The following DAG1 variants were observed in gnomAD, a reference collection of about 807,000 sequenced individuals.
The protein encoded by DAG1 is dystroglycan 1 (dystrophin-associated glycoprotein 1).
A neutral mutation model predicts 46.1 loss-of-function variants in DAG1; 8 were observed. The ratio of observed to expected loss-of-function variants is 0.17; its 90% CI spans 0.10 to 0.31. The LOEUF (loss-of-function observed/expected upper bound fraction) is 0.31, where lower values mean the gene tolerates loss of function less well. Ranked by LOEUF, DAG1 falls within the 10% of genes least tolerant of loss-of-function variation. DAG1 has a pLI of 1.00. For missense variants in DAG1, 1,003 were observed against 1,189.9 expected (o/e 0.84, Z 2.31); for synonymous variants, 495 against 481.8 (o/e 1.03, Z -0.36).
chr3:49,496,073 G>A (rs1047816709), intron 1 of DAG1, among the ~76,000 whole-genome samples: 2 of 152,126 alleles, frequency 1.3e-5, no homozygotes, highest in Non-Finnish European at 2.9e-5. Context: ...ATGTCATCAC[G>A]GGGATATGCC....
At chr3:49,475,701 CT>C (rs398038718) in intron 1 of DAG1, among the ~76,000 whole-genome samples, 137 of 136,192 alleles carry the variant, frequency 1.0e-3, no homozygotes, top group African/African-American at 8.4e-4. Context: ...TTTTCTTTTT[CT>C]TTTTTTTTTT....
intron 1 of DAG1, 58 bp from the exon 2 acceptor site, chr3:49,510,361 T>C (rs192625591): frequency 1.5e-6 from 1 of 665,344 alleles, no homozygotes; most frequent in Admixed American, 2.4e-5. Flanking sequence ...TGGAGGATAG[T>C]ATGTGACTGA....
intron 1 of DAG1, among the ~76,000 whole-genome samples, chr3:49,488,031 C>G (rs913136224): frequency 6.6e-6 from 1 of 152,064 alleles, no homozygotes; most frequent in Non-Finnish European, 1.5e-5. Flanking sequence ...AGCAATTTTC[C>G]TGAGGTACTC....
chr3:49,515,074 T>TCCGC (rs1280842314), intron 2 of DAG1, among the ~76,000 whole-genome samples: 1 of 152,074 alleles, frequency 6.6e-6, no homozygotes, highest in Non-Finnish European at 1.5e-5. Flanking sequence ...GACCTCGTGA[T>TCCGC]CCGCCCACCT....
intron 2 of DAG1, among the ~76,000 whole-genome samples, chr3:49,525,194 C>T (rs3912831): frequency 2.0e-5 from 3 of 152,024 alleles, no homozygotes; most frequent in African/African-American, 7.2e-5. Context: ...ACCCATGATC[C>T]TGGAGTGACT....
chr3:49,524,225 G>T (rs766200639), intron 2 of DAG1, among the ~76,000 whole-genome samples: 5 of 152,176 alleles, frequency 3.3e-5, no homozygotes, highest in Non-Finnish European at 5.9e-5. Flanking sequence ...ATCCTTTGGG[G>T]ACTGTGGACA....
chr3:49,485,446 T>C (rs2049999221), intron 1 of DAG1, among the ~76,000 whole-genome samples: 1 of 152,190 alleles, frequency 6.6e-6, no homozygotes, highest in Admixed American at 6.6e-5. Flanking sequence ...AGAAATGTCA[T>C]GTAATATACC....
At chr3:49,489,011 G>A in intron 1 of DAG1, among the ~76,000 whole-genome samples, 1 of 152,146 alleles carries the variant, frequency 6.6e-6, no homozygotes, top group East Asian at 1.9e-4. Flanking sequence ...AACTCAGTCT[G>A]CTCACCTGAG....
intron 1 of DAG1, among the ~76,000 whole-genome samples, chr3:49,489,923 G>A (rs1358044256): frequency 6.6e-6 from 1 of 151,934 alleles, no homozygotes; most frequent in Non-Finnish European, 1.5e-5. Flanking sequence ...GTAGGGGGAG[G>A]GTTATATAGC....
At chr3:49,511,713 C>A (rs2050765267) in intron 2 of DAG1, among the ~76,000 whole-genome samples, 1 of 152,120 alleles carries the variant, frequency 6.6e-6, no homozygotes, top group South Asian at 2.1e-4. Flanking sequence ...AGGGTTTTGT[C>A]ATGTTGCTCA....
intron 1 of DAG1, among the ~76,000 whole-genome samples, chr3:49,472,281 T>C (rs1050430936): frequency 6.6e-6 from 1 of 151,794 alleles, no homozygotes; most frequent in Non-Finnish European, 1.5e-5. Context: ...ACTGAAAAGG[T>C]AGTACAGAGG....
intron 1 of DAG1, among the ~76,000 whole-genome samples, chr3:49,484,899 C>T (rs1280467827): frequency 1.3e-5 from 2 of 151,972 alleles, no homozygotes; most frequent in Non-Finnish European, 2.9e-5. Flanking sequence ...CAGGTTCAAG[C>T]AATTCTCCTG....
intron 1 of DAG1, among the ~76,000 whole-genome samples, chr3:49,483,657 G>C (rs778580862): frequency 6.6e-6 from 1 of 150,432 alleles, no homozygotes; most frequent in Non-Finnish European, 1.5e-5. Context: ...CTTATGTGAG[G>C]TATGATTGAA....
intron 2 of DAG1, among the ~76,000 whole-genome samples, chr3:49,520,730 T>C (rs1278743260): frequency 6.6e-6 from 1 of 152,218 alleles, no homozygotes; most frequent in Non-Finnish European, 1.5e-5. Context: ...AAAAGATTTG[T>C]AGTGAGAAGG....
intron 1 of DAG1, among the ~76,000 whole-genome samples, chr3:49,477,767 G>A (rs978002178): frequency 1.3e-5 from 2 of 152,034 alleles, no homozygotes; most frequent in African/African-American, 4.8e-5. Flanking sequence ...TCTGAGACCA[G>A]CCTGGCCAAC....
In DAG1 at chr3:49,530,881, A is replaced by G. The variant is rs1392357191; in HGVS notation, c.370A>G (p.Thr124Ala). 6.8e-6 allele frequency: 11 copies of G among 1,614,092 alleles called. No individual in the cohort carries two copies. Among genetic ancestry groups the G allele is most frequent in the Admixed American group, 5.0e-5 (3 of 60,004 alleles). ...SHTLEGLPLD[T>A]DKGVHYISVS... The stretch of plus-strand genomic sequence containing the variant: ...CACCCTGGAGGGCCTCCCCCTTGAC[A>G]CTGATAAGGGTGTGCATTACATTTC... Residue 124 changes from threonine (T) to alanine (A), a missense_variant, in exon 3 of 3, where the codon ACT (threonine) becomes GCT (alanine). Thr to Ala is a moderately conservative substitution (Grantham distance 58). Coordinates refer to ENST00000308775, the MANE Select transcript of DAG1 (RefSeq NM_004393.6).
intron 1 of DAG1, among the ~76,000 whole-genome samples, chr3:49,482,682 A>T (rs769685249): frequency 6.6e-6 from 1 of 152,110 alleles, no homozygotes; most frequent in Non-Finnish European, 1.5e-5. Context: ...ATATTACACC[A>T]TTTTATATAA....
In DAG1 at chr3:49,532,546, C is replaced by A; in HGVS notation, c.2035C>A (p.Arg679Ser). The A allele has an allele frequency of 6.2e-7, 1 of 1,613,490 alleles. No homozygotes were observed. The highest frequency in any genetic ancestry group is 8.5e-7 in the Non-Finnish European group (1 of 1,179,428). The change falls in exon 3 of 3, where the codon CGC (arginine) becomes AGC (serine). Residue 679 changes from arginine to serine, a missense_variant. Arg to Ser is a moderately radical substitution (Grantham distance 110). Coordinates refer to ENST00000308775, the MANE Select transcript of DAG1 (RefSeq NM_004393.6). This position sits in a 1 kb window ranked among gnomAD's most constrained non-coding sequence, Gnocchi z 5.4. ...CPKEQIAGLS[R>S]RIAEDDGKPR... ...CAAGGAGCAGATCGCTGGGCTGAGCCGCCGGATCGCTGAGGATGATGGAAA... is the reference window on the plus strand; with the variant it reads ...CAAGGAGCAGATCGCTGGGCTGAGCAGCCGGATCGCTGAGGATGATGGAAA...
intron 1 of DAG1, among the ~76,000 whole-genome samples, chr3:49,505,694 G>A (rs936481677): frequency 1.7e-4 from 25 of 151,342 alleles, no homozygotes; most frequent in Non-Finnish European, 2.9e-5. Context: ...TTTTTGAGAC[G>A]GAGTTTCGCT....
Sources: allele counts gnomAD v4.1 joint callset (sites outside exome capture counted in the v4.1 genomes callset), GRCh38; gene constraint gnomAD v4.1.1; non-coding constraint Gnocchi (gnomAD v3.1); transcripts MANE v1.5; gene names NCBI Gene and HGNC (gene_info 2026-07-23, HGNC 2026-07-21).